The following TMEM175 variants were observed in gnomAD, a reference collection of about 807,000 sequenced individuals.
TMEM175 encodes transmembrane protein 175.
In TMEM175, 36 loss-of-function variants were observed where a neutral mutation model predicts 36.5. The ratio of observed to expected loss-of-function variants is 0.99; its 90% CI spans 0.76 to 1.30. The LOEUF (loss-of-function observed/expected upper bound fraction) is 1.30. Ranked by LOEUF, TMEM175 falls within the 50% of genes most tolerant of loss-of-function variation. The pLI is 0.00. For synonymous variants in TMEM175, 339 were observed against 313.4 expected, an observed-to-expected ratio of 1.08 and a Z score of -0.86; for missense variants, 705 against 692.8, an observed-to-expected ratio of 1.02 and a Z score of -0.20.
intron 1 of TMEM175, among the ~76,000 whole-genome samples, chr4:936,056 A>G (rs1195998718): frequency 6.6e-6 from 1 of 152,224 alleles, no homozygotes; most frequent in Non-Finnish European, 1.5e-5. Context: ...TCACCTTATG[A>G]AACTAGAAAA....
chr4:945,504 C>G (rs1286646959), intron 1 of TMEM175, among the ~76,000 whole-genome samples: 2 of 152,200 alleles, frequency 1.3e-5, no homozygotes, highest in Non-Finnish European at 2.9e-5. Context: ...TTGCACCTCC[C>G]CGATCTCCCT....
intron 1 of TMEM175, among the ~76,000 whole-genome samples, chr4:941,467 C>G (rs1428996291): frequency 2.8e-5 from 4 of 142,672 alleles, no homozygotes; most frequent in African/African-American, 1.0e-4. Context: ...GAGATGGAGT[C>G]TGGCTCTGTC....
chr4:947,983 C>T, intron 2 of TMEM175, 91 bp downstream of exon 2: 1 of 1,610,884 alleles, frequency 6.2e-7, no homozygotes, highest in South Asian at 1.1e-5. Flanking sequence ...GTCTTGCCAG[C>T]ATCCTTGGGT....
chr4:956,487 G>A (rs1335459171), intron 10 of TMEM175: 2 of 1,265,564 alleles, frequency 1.6e-6, no homozygotes, highest in Non-Finnish European at 2.0e-6. Context: ...GTGTCGCCCA[G>A]GCTGGAGTAT....
In TMEM175 at chr4:948,119, C is replaced by T; in HGVS notation, c.157C>T (p.Leu53=). ...TTCTGTCTCTTTGCCCCCTCAGATC[C>T]TGCCTGTGACCCACACGGAGATCTC... The part of the protein sequence containing the change: ...LLSIIATVMI[L]PVTHTEISPE... The change falls in exon 3 of 11, where the codon CTG becomes TTG. Residue 53 remains leucine (L), a synonymous_variant. Transcript: ENST00000264771. 6.2e-7 allele frequency: 1 copy of T among 1,614,134 alleles called. No individual in the cohort carries two copies. Among genetic ancestry groups the T allele is most frequent in the Non-Finnish European group, 8.5e-7 (1 of 1,180,034 alleles).
chr4:953,059 A>G, intron 7 of TMEM175, 131 bp from the exon 8 acceptor site: 1 of 935,202 alleles, frequency 1.1e-6, no homozygotes. Flanking sequence ...CGCGCGTGCC[A>G]TGCAGCCCGG....
At chr4:941,036 A>ATAATAATAT (rs1443595525) in intron 1 of TMEM175, among the ~76,000 whole-genome samples, 3 of 146,074 alleles carry the variant, frequency 2.1e-5, no homozygotes, top group Non-Finnish European at 4.5e-5. Flanking sequence ...AATAATAATA[A>ATAATAATAT]TAATAATAAT....
intron 1 of TMEM175, among the ~76,000 whole-genome samples, chr4:947,360 C>A (rs1040648939): frequency 6.6e-6 from 1 of 152,166 alleles, no homozygotes; most frequent in African/African-American, 2.4e-5. Context: ...TCAAGGGCCC[C>A]GCAGGGTGCT....
chr4:941,997 A>G (rs1255011963), intron 1 of TMEM175, among the ~76,000 whole-genome samples: 1 of 151,968 alleles, frequency 6.6e-6, no homozygotes, highest in African/African-American at 2.4e-5. Flanking sequence ...CATTTACATC[A>G]TTGATCCACT....
chr4:933,343 C>T (rs1324270771), intron 1 of TMEM175, among the ~76,000 whole-genome samples: 2 of 152,052 alleles, frequency 1.3e-5, no homozygotes, highest in Non-Finnish European at 2.9e-5. Flanking sequence ...CCCGTCTCTA[C>T]TAAAAATACA....
intron 6 of TMEM175, 147 bp from the exon 7 acceptor site, chr4:952,220 A>G: frequency 2.9e-6 from 2 of 696,506 alleles, no homozygotes; most frequent in Non-Finnish European, 4.9e-6. Context: ...CATGCCCCCC[A>G]GCACCCAGCT....
In TMEM175 at chr4:941,100, G is replaced by A. The variant is rs111853582; in HGVS notation, c.-31-6609G>A. On this transcript the variant is annotated intron_variant, in intron 1 of 10. Transcript: ENST00000264771. The stretch of plus-strand genomic sequence containing the variant: ...AAAGTGTATAAAAGAACTCTGGGCC[G>A]GGTGCAGTGGCTCACGCCTGTAATC... Among the ~76,000 whole-genome samples the A allele has an allele frequency of 4.0e-4, 60 of 148,274 alleles. 1 individual carries two copies. The highest frequency in any genetic ancestry group is 1.0e-3 in the East Asian group (5 of 4,976).
At chr4:955,251 T>C (rs1387689406) in intron 8 of TMEM175, among the ~76,000 whole-genome samples, 154 bp from the exon 9 acceptor site, 1 of 152,178 alleles carries the variant, frequency 6.6e-6, no homozygotes, top group African/African-American at 2.4e-5. Flanking sequence ...TAAGAATCCT[T>C]TACACTTTTT....
rs1021637649 is a variant in TMEM175, at chr4:948,484, A to C, written c.192+330A>C. 23 of 1,440,316 alleles carry C rather than the reference A, an allele frequency of 1.6e-5. No homozygotes were observed. In the African/African-American group the frequency reaches 3.2e-4, roughly 20 times the overall value. The allele number at this position is 1,440,316 out of a possible 1,614,324, so 89.2% of individuals were successfully genotyped here. On this transcript the variant is annotated intron_variant, in intron 3 of 10. Coordinates refer to ENST00000264771, the MANE Select transcript of TMEM175 (RefSeq NM_032326.4). ...GGAAGGTTCCGGGCCTGCCCCAAGGACAGAAGTTTCCTCTGCGGGAGGGCA... is the reference window on the plus strand; with the variant it reads ...GGAAGGTTCCGGGCCTGCCCCAAGGCCAGAAGTTTCCTCTGCGGGAGGGCA...
chr4:955,347 T>C, intron 8 of TMEM175, 58 bp from the exon 9 acceptor site: 1 of 1,385,458 alleles, frequency 7.2e-7, no homozygotes, highest in Non-Finnish European at 1.0e-6. Flanking sequence ...TTTGTGTGGG[T>C]AAGGCCTGGC....
intron 3 of TMEM175, 28 bp downstream of exon 3, chr4:948,182 G>A: frequency 6.2e-7 from 1 of 1,614,100 alleles, no homozygotes; most frequent in Non-Finnish European, 8.5e-7. Flanking sequence ...GCTCTGCGTG[G>A]TGTGGCCCTG....
In TMEM175 at chr4:955,901, C is replaced by T. The variant is rs373820111; in HGVS notation, c.842+11C>T. ...CATCCTGGACATCTGGTGAGGACCCCGCGTCACCTGCCCCAGCTATCAGGT... is the reference window on the plus strand; with the variant it reads ...CATCCTGGACATCTGGTGAGGACCCTGCGTCACCTGCCCCAGCTATCAGGT... On this transcript the variant is annotated intron_variant, in intron 10 of 10. Coordinates refer to ENST00000264771, the MANE Select transcript of TMEM175 (RefSeq NM_032326.4). 8.5e-5 allele frequency: 137 copies of T among 1,609,726 alleles called. No homozygotes were observed. The highest frequency in any genetic ancestry group is 6.3e-4 in the African/African-American group (47 of 74,830).
chr4:944,489 C>T (rs559970518), intron 1 of TMEM175, among the ~76,000 whole-genome samples: 1 of 152,116 alleles, frequency 6.6e-6, no homozygotes, highest in South Asian at 2.1e-4. Context: ...AGAGCAAAAG[C>T]CCCCCACCTG....
At chr4:948,280 G>A (rs755083041) in intron 3 of TMEM175, 126 bp downstream of exon 3, 12 of 1,583,540 alleles carry the variant, frequency 7.6e-6, no homozygotes, top group Admixed American at 7.2e-5. Context: ...AGGCAGAGGC[G>A]GGAGGCGGGG....
Sources: gnomAD v4.1 joint callset for allele counts (sites outside exome capture counted in the v4.1 genomes callset) on GRCh38, gnomAD v4.1.1 for gene constraint, MANE v1.5 for transcripts, NCBI Gene and HGNC (gene_info 2026-07-23, HGNC 2026-07-21) for gene names.